Variants in STK40 observed in about 807,000 individuals in gnomAD.
STK40 encodes serine/threonine-protein kinase 40.
STK40 carries 13 observed loss-of-function variants against 47.9 expected under a neutral mutation model. The ratio of observed to expected loss-of-function variants is 0.27; its 90% confidence interval spans 0.18 to 0.43. STK40 has a LOEUF of 0.43. Among genes scored for constraint, STK40 ranks in the 20% least tolerant of loss-of-function variants. The pLI, the probability that STK40 is intolerant of heterozygous loss-of-function variation, is 1.00. For synonymous variants in STK40, 225 were observed against 243.2 expected (o/e 0.93, Z 0.69); for missense variants, 460 against 595.1 (o/e 0.77, Z 2.36).
chr1:36,372,313 TG>T (rs757154715), intron 1 of STK40, among the ~76,000 whole-genome samples: 6 of 150,544 alleles, frequency 4.0e-5, no homozygotes, highest in Non-Finnish European at 7.4e-5. Context: ...CCCAGCTACT[TG>T]GGAGTTTTAG....
intron 1 of STK40, among the ~76,000 whole-genome samples, chr1:36,384,028 CTT>C (rs1647063704): frequency 8.7e-6 from 1 of 115,448 alleles, no homozygotes; most frequent in Non-Finnish European, 1.9e-5. Flanking sequence ...GCTTCTTCTT[CTT>C]CTTTTTTTTT....
At chr1:36,354,478 C>G in intron 5 of STK40, 62 bp from the exon 6 acceptor site, 1 of 1,551,900 alleles carries the variant, frequency 6.4e-7, no homozygotes, top group Non-Finnish European at 8.9e-7. Context: ...AGGGCCCACC[C>G]TGTAAGATGG....
At chr1:36,371,815 G>T (rs1362436916) in intron 1 of STK40, among the ~76,000 whole-genome samples, 1 of 151,598 alleles carries the variant, frequency 6.6e-6, no homozygotes, top group South Asian at 2.1e-4. Context: ...GGCCAACATG[G>T]TGAAACCCCA....
chr1:36,377,915 T>C (rs1647005666), intron 1 of STK40, among the ~76,000 whole-genome samples: 1 of 152,364 alleles, frequency 6.6e-6, no homozygotes, highest in Admixed American at 6.5e-5. Flanking sequence ...CTGAACGTGG[T>C]AGAGGCTATA....
At chr1:36,360,581 G>A (rs922622155) in intron 2 of STK40, among the ~76,000 whole-genome samples, 2 of 151,626 alleles carry the variant, frequency 1.3e-5, no homozygotes, top group African/African-American at 4.9e-5. Context: ...CGTTGCCTAG[G>A]CTGGAATGCA....
chr1:36,354,308 GT>G, intron 6 of STK40, 55 bp downstream of exon 6: 11 of 1,594,142 alleles, frequency 6.9e-6, no homozygotes, highest in Non-Finnish European at 9.5e-6. Flanking sequence ...GAGTTGCAAT[GT>G]GTAGCCTGCC....
intron 7 of STK40, among the ~76,000 whole-genome samples, chr1:36,345,991 A>ATATATATATTTTTTTTTTTT: frequency 6.4e-4 from 17 of 26,464 alleles, no homozygotes; most frequent in African/African-American, 1.5e-3. Flanking sequence ...ATATATATAT[A>ATATATATATTTTTTTTTTTT]TTTTTTTTTT....
intron 1 of STK40, chr1:36,372,727 T>C (rs1038518936): frequency 2.0e-5 from 3 of 152,256 alleles, no homozygotes; most frequent in Non-Finnish European, 2.9e-5. Flanking sequence ...AGAGAGGTCA[T>C]GCTTCCCTCA....
At chr1:36,373,968 C>T (rs1646970768) in intron 1 of STK40, among the ~76,000 whole-genome samples, 1 of 152,210 alleles carries the variant, frequency 6.6e-6, no homozygotes. Context: ...AGTGACTCAG[C>T]CCAGTGGGAA....
At chr1:36,352,932 G>A (rs1396711937) in intron 6 of STK40, among the ~76,000 whole-genome samples, 1 of 152,216 alleles carries the variant, frequency 6.6e-6, no homozygotes, top group African/African-American at 2.4e-5. Context: ...GCATCGTCCC[G>A]ATGGCCTCTC....
chr1:36,342,091 A>G, intron 10 of STK40, 118 bp from the exon 11 acceptor site: 1 of 975,474 alleles, frequency 1.0e-6, no homozygotes, highest in South Asian at 1.6e-5. Context: ...CCTTCCAGGC[A>G]CCACACCCTC....
intron 6 of STK40, among the ~76,000 whole-genome samples, chr1:36,353,058 A>G (rs559612798): frequency 1.3e-5 from 2 of 152,258 alleles, no homozygotes; most frequent in South Asian, 4.2e-4. Context: ...TTTTCCTCTG[A>G]CCACTGTGGC....
At chr1:36,354,812 G>A (rs1415470334) in intron 5 of STK40, among the ~76,000 whole-genome samples, 1 of 152,168 alleles carries the variant, frequency 6.6e-6, no homozygotes, top group African/African-American at 2.4e-5. Flanking sequence ...GCGGCACACC[G>A]GGAAGAGGCT....
At position 36,361,238 on chromosome 1, in the gene STK40, G is replaced by A. The variant is rs766359218; in HGVS notation, c.95C>T (p.Ala32Val). Residue 32 changes from alanine (A) to valine (V), a missense_variant, in exon 2 of 11, where the codon GCT becomes GTT. Coordinates refer to ENST00000373132, the MANE Select transcript of STK40 (RefSeq NM_001282547.2). ...SGISGNNAKRAGPFILGPRLG... is the reference protein window; with the variant it reads ...SGISGNNAKRVGPFILGPRLG... ...AGGCTTACCAAGGATGAATGGTCCA[G>A]CTCTCTTTGCATTATTTCCAGAAAT... 34 of 1,614,060 alleles carry A rather than the reference G, an allele frequency of 2.1e-5. No individual in the cohort carries two copies. The highest frequency in any genetic ancestry group is 2.9e-5 in the Non-Finnish European group (34 of 1,180,054).
At chr1:36,352,288 C>T (rs1646765513) in intron 6 of STK40, among the ~76,000 whole-genome samples, 1 of 152,218 alleles carries the variant, frequency 6.6e-6, no homozygotes, top group South Asian at 2.1e-4. Context: ...GTCCTGGCTA[C>T]ATTAGCACTG....
At chr1:36,376,689 T>C (rs1026317138) in intron 1 of STK40, among the ~76,000 whole-genome samples, 4 of 152,216 alleles carry the variant, frequency 2.6e-5, no homozygotes, top group Non-Finnish European at 5.9e-5. Flanking sequence ...CTGATAAAGA[T>C]GTCTATGTTA....
intron 2 of STK40, 81 bp downstream of exon 2, chr1:36,361,140 C>T: frequency 1.9e-6 from 3 of 1,549,810 alleles, no homozygotes; most frequent in Non-Finnish European, 2.6e-6. Context: ...ACTCTGATGT[C>T]TGTAGGTCAG....
At chr1:36,360,922 T>C (rs1300211132) in intron 2 of STK40, among the ~76,000 whole-genome samples, 1 of 152,196 alleles carries the variant, frequency 6.6e-6, no homozygotes, top group African/African-American at 2.4e-5. Context: ...GGGGCACACA[T>C]AGGATTCTCT....
chr1:36,374,070 A>G (rs1008054207), intron 1 of STK40, among the ~76,000 whole-genome samples: 7 of 152,256 alleles, frequency 4.6e-5, no homozygotes, highest in Non-Finnish European at 1.0e-4. Context: ...CAGGACTCCA[A>G]TGTGCTGAGC....
Sources: gnomAD v4.1 joint callset for allele counts (sites outside exome capture counted in the v4.1 genomes callset) on GRCh38, gnomAD v4.1.1 for gene constraint, MANE v1.5 for transcripts, NCBI Gene and HGNC (gene_info 2026-07-23, HGNC 2026-07-21) for gene names.